The following TENM2 variants were observed in gnomAD, a reference collection of about 807,000 sequenced individuals.
The protein encoded by TENM2 is teneurin transmembrane protein 2.
A neutral mutation model predicts 245.2 loss-of-function variants in TENM2; 52 were observed. The observed-to-expected ratio is 0.21, with a 90% CI of 0.17 to 0.27. The LOEUF (loss-of-function observed/expected upper bound fraction) is 0.27, where lower values mean the gene tolerates loss of function less well. TENM2 is among the 10% of genes least tolerant of loss of function. TENM2 has a pLI of 1.00. For missense variants in TENM2, 3,046 were observed against 3,666.8 expected (o/e 0.83, Z 4.37); for synonymous variants, 1,363 against 1,438.9 (o/e 0.95, Z 1.19).
chr5:167,144,418 C>T, the TENM2 span, among the ~76,000 whole-genome samples: 1 of 152,096 alleles, frequency 6.6e-6, no homozygotes, highest in African/African-American at 2.4e-5. Context: ...TTGTTCTGGC[C>T]CCCGTTTGTT....
At chr5:167,553,060 C>A (rs1031594957) in intron 2 of TENM2, among the ~76,000 whole-genome samples, 1 of 152,148 alleles carries the variant, frequency 6.6e-6, no homozygotes, top group Non-Finnish European at 1.5e-5. Context: ...GGGGAAAATG[C>A]TTTGATAGAC....
chr5:167,963,874 A>G (rs1007545731), intron 4 of TENM2, among the ~76,000 whole-genome samples: 7 of 152,232 alleles, frequency 4.6e-5, no homozygotes, highest in African/African-American at 1.7e-4. Flanking sequence ...AACAAAAGAC[A>G]AACAAGCATA....
intron 4 of TENM2, among the ~76,000 whole-genome samples, chr5:167,969,496 G>A (rs1781616102): frequency 6.6e-6 from 1 of 152,120 alleles, no homozygotes; most frequent in African/African-American, 2.4e-5. Context: ...GTCTTTATTA[G>A]CAGCGTAAGA....
rs367924831 is a variant in TENM2, at chr5:168,216,752, C to T, written c.4079-16C>T. 2.3e-5 allele frequency: 37 copies of T among 1,613,510 alleles called. No individual in the cohort carries two copies. The highest frequency in any genetic ancestry group is 3.3e-5 in the Admixed American group (2 of 59,988). ...ACCTTTCCAAGAGATAAATCCACAC[C>T]GCTTGTCTTGCTCAGGTATTGCAGT... On this transcript the variant is annotated splice_polypyrimidine_tract_variant and intron_variant, in intron 21 of 28. Transcript: ENST00000518659.
At chr5:167,080,902 C>T in the TENM2 span, among the ~76,000 whole-genome samples, 1 of 151,838 alleles carries the variant, frequency 6.6e-6, no homozygotes, top group Non-Finnish European at 1.5e-5. Context: ...AAAGGACATA[C>T]CAGAAAATGT....
chr5:167,590,192 A>G (rs186218904), intron 2 of TENM2, among the ~76,000 whole-genome samples: 11 of 152,070 alleles, frequency 7.2e-5, no homozygotes, highest in Admixed American at 7.2e-4. Context: ...TTTTTTCCAA[A>G]TAGTGTTTTT....
chr5:167,217,144 G>T, the TENM2 span, among the ~76,000 whole-genome samples: 1 of 151,972 alleles, frequency 6.6e-6, no homozygotes, highest in Non-Finnish European at 1.5e-5. Context: ...TCTTTGTCAT[G>T]GTTTCTTAAT....
At chr5:167,241,584 T>C in the TENM2 span, among the ~76,000 whole-genome samples, 180 of 152,272 alleles carry the variant, frequency 1.2e-3, no homozygotes, top group Non-Finnish European at 2.0e-3. Flanking sequence ...AAGAATGTGG[T>C]ATAACACGAC....
intron 2 of TENM2, among the ~76,000 whole-genome samples, chr5:167,693,646 A>C (rs915157314): frequency 2.0e-5 from 3 of 151,994 alleles, no homozygotes; most frequent in Non-Finnish European, 4.4e-5. Context: ...AAAAAAAAAA[A>C]AAAACCACTT....
intron 25 of TENM2, among the ~76,000 whole-genome samples, chr5:168,238,159 G>GAAAGAA (rs1765680107): frequency 1.8e-5 from 1 of 54,604 alleles, no homozygotes; most frequent in African/African-American, 1.8e-4. Flanking sequence ...AAGAAAGAAA[G>GAAAGAA]AGAGAGAGAG....
chr5:167,109,778 A>G, the TENM2 span, among the ~76,000 whole-genome samples: 3 of 152,194 alleles, frequency 2.0e-5, no homozygotes, highest in Non-Finnish European at 2.9e-5. Flanking sequence ...TCGTTATGGT[A>G]CCAGAATTTC....
chr5:168,077,522 C>T (rs967662095), intron 7 of TENM2, among the ~76,000 whole-genome samples: 1 of 151,942 alleles, frequency 6.6e-6, no homozygotes, highest in Admixed American at 6.6e-5. Flanking sequence ...TGGTGTGCTG[C>T]ACCCATTAAC....
At chr5:167,265,387 G>GGTTT in the TENM2 span, among the ~76,000 whole-genome samples, 1 of 150,934 alleles carries the variant, frequency 6.6e-6, no homozygotes, top group South Asian at 2.1e-4. Flanking sequence ...CATTTTAAAG[G>GGTTT]GTTTGCTCGA....
intron 2 of TENM2, among the ~76,000 whole-genome samples, chr5:167,490,015 A>G (rs2127541272): frequency 6.6e-6 from 1 of 152,310 alleles, no homozygotes; most frequent in Non-Finnish European, 1.5e-5. Flanking sequence ...CTACATAAAT[A>G]TTTGTACAAC....
the TENM2 span, among the ~76,000 whole-genome samples, chr5:167,144,675 G>A: frequency 6.6e-6 from 1 of 152,188 alleles, no homozygotes; most frequent in East Asian, 1.9e-4. Context: ...TTGCTTGTTA[G>A]CCCGTGCCCA....
At chr5:167,214,133 A>C in the TENM2 span, among the ~76,000 whole-genome samples, 1 of 152,236 alleles carries the variant, frequency 6.6e-6, no homozygotes, top group Admixed American at 6.5e-5. Flanking sequence ...AGTTGGGCAA[A>C]GCTGTGGTTC....
chr5:167,437,948 C>T (rs1181401538), intron 2 of TENM2, among the ~76,000 whole-genome samples: 1 of 152,298 alleles, frequency 6.6e-6, no homozygotes, highest in South Asian at 2.1e-4. Flanking sequence ...TGAAAACCAA[C>T]TAATACAGAT....
intron 20 of TENM2, among the ~76,000 whole-genome samples, chr5:168,213,804 A>G (rs1762971365): frequency 6.6e-6 from 1 of 152,188 alleles, no homozygotes; most frequent in African/African-American, 2.4e-5. Flanking sequence ...ACTGCTCTCC[A>G]ATGAGACCCT....
At chr5:167,890,201 T>C (rs751805310) in intron 3 of TENM2, among the ~76,000 whole-genome samples, 10 of 152,140 alleles carry the variant, frequency 6.6e-5, no homozygotes, top group Non-Finnish European at 1.5e-4. Context: ...TCAAATATCA[T>C]GATTCTAGGA....
Sources: allele counts gnomAD v4.1 joint callset (sites outside exome capture counted in the v4.1 genomes callset), GRCh38; gene constraint gnomAD v4.1.1; transcripts MANE v1.5; gene names NCBI Gene and HGNC (gene_info 2026-07-23, HGNC 2026-07-21).